Variants in ARAP1 observed in about 807,000 individuals in gnomAD.
The protein encoded by ARAP1 is ArfGAP with RhoGAP domain, ankyrin repeat and PH domain 1.
In ARAP1, 76 loss-of-function variants were observed where a neutral mutation model predicts 172.2. The observed-to-expected ratio is 0.44, with a 90% CI of 0.37 to 0.53. The LOEUF (loss-of-function observed/expected upper bound fraction) is 0.53. Ranked by LOEUF, ARAP1 falls within the 20% of genes least tolerant of loss-of-function variation. The probability of loss-of-function intolerance (pLI) is 0.00; values close to 1 mark genes in which losing one functional copy is unlikely to be tolerated. For missense variants in ARAP1, 1,686 were observed against 1,977.5 expected, an observed-to-expected ratio of 0.85 and a Z score of 2.80; for synonymous variants, 804 against 803.3, an observed-to-expected ratio of 1.00 and a Z score of -0.01.
At position 72,685,550 on chromosome 11, in the gene ARAP1, G is replaced by C; in HGVS notation, c.*114C>G. ...CAGGATGGAGGATGTGGGTTGTGGG[G>C]TGCAGTTTCCCATGCACCCCCCGCT... is the stretch of plus-strand genomic sequence containing the variant. On this transcript the variant is annotated 3_prime_UTR_variant, in exon 35 of 35. Coordinates refer to ENST00000393609, the MANE Select transcript of ARAP1 (RefSeq NM_001040118.3). 1 of 1,417,842 alleles carries C rather than the reference G, an allele frequency of 7.1e-7. No homozygotes were observed. The highest frequency in any genetic ancestry group is 9.9e-7 in the Non-Finnish European group (1 of 1,005,182). The allele number at this position is 1,417,842 out of a possible 1,614,324, so 87.8% of individuals were successfully genotyped here.
chr11:72,709,810 C>A, intron 11 of ARAP1, 60 bp downstream of exon 11: 1 of 1,580,366 alleles, frequency 6.3e-7, no homozygotes, highest in Non-Finnish European at 8.7e-7. Context: ...CCACGTCGCG[C>A]AAAAGGAAAA....
In ARAP1 at chr11:72,699,610, C is replaced by T; in HGVS notation, c.2303-58G>A. The T allele has an allele frequency of 6.4e-7, 1 of 1,567,416 alleles. No homozygotes were observed. Among genetic ancestry groups the T allele is most frequent in the African/African-American group, 1.4e-5 (1 of 73,750 alleles). The stretch of plus-strand genomic sequence containing the variant: ...GAGCCCCCCACCACCTGAAAACCAC[C>T]TCTGCATCCTCCCGGGGCTCCTGCT... On this transcript the variant is annotated intron_variant, in intron 16 of 34. Transcript: ENST00000393609. This position sits in a 1 kb window ranked among gnomAD's most constrained non-coding sequence, Gnocchi z 4.2.
At chr11:72,717,760 G>T (rs778049712) in intron 3 of ARAP1, among the ~76,000 whole-genome samples, 1 of 152,198 alleles carries the variant, frequency 6.6e-6, no homozygotes, top group African/African-American at 2.4e-5. Flanking sequence ...TACTCACAGC[G>T]CTCTGTAAGG....
At chr11:72,688,602 G>A (rs550121669) in intron 30 of ARAP1, 65 bp from the exon 31 acceptor site, 15 of 1,382,152 alleles carry the variant, frequency 1.1e-5, no homozygotes, top group Non-Finnish European at 1.2e-5. Flanking sequence ...CCGCTCTCCC[G>A]ACTGGGCAGC....
chr11:72,733,117 C>G (rs915557983), intron 1 of ARAP1, among the ~76,000 whole-genome samples: 1 of 152,192 alleles, frequency 6.6e-6, no homozygotes, highest in African/African-American at 2.4e-5. Context: ...AGAGGAAGGC[C>G]TTCCTGGAGG....
rs956996519 is a variant in ARAP1 at position 72,686,204 on chromosome 11, G to A, written c.4186-13C>T. 5 of 1,608,344 alleles carry A rather than the reference G, an allele frequency of 3.1e-6. No homozygotes were observed. The Admixed American group carries it at 6.7e-5, about 21-fold the overall frequency. On this transcript the variant is annotated splice_polypyrimidine_tract_variant and intron_variant, in intron 33 of 34. Transcript: ENST00000393609. ...CCAGGCCGTCATGCTGGGGAGCAGA[G>A]AGGAAGGGGCTGGGCTCAGCTTCAG...
At chr11:72,707,077 G>A in intron 12 of ARAP1, 98 bp downstream of exon 12, 1 of 1,290,378 alleles carries the variant, frequency 7.7e-7, no homozygotes, top group Non-Finnish European at 1.0e-6. Flanking sequence ...TCTGAGTGCT[G>A]TCTCCGCTCC....
At chr11:72,732,826 T>C (rs866272000) in intron 1 of ARAP1, among the ~76,000 whole-genome samples, 6 of 151,736 alleles carry the variant, frequency 4.0e-5, no homozygotes, top group South Asian at 2.1e-4. Context: ...ACAACAAAAA[T>C]ACAAAAATTA....
At chr11:72,705,555 TTTC>T in intron 13 of ARAP1, 1 of 490,994 alleles carries the variant, frequency 2.0e-6, no homozygotes. Flanking sequence ...TCTGCTGCAT[TTTC>T]TTCCTTTTTT....
chr11:72,714,030 A>T, intron 4 of ARAP1, 122 bp downstream of exon 4: 1 of 1,141,442 alleles, frequency 8.8e-7, no homozygotes, highest in Non-Finnish European at 1.2e-6. Flanking sequence ...CCGGGGCCAC[A>T]CAGTGGGCTG....
rs1007801442 is a variant in ARAP1 at position 72,741,332 on chromosome 11, C to T, written c.-127-8735G>A. ...CTGACCCCAACCCTCCACAGCCTCA[C>T]CCCAGGACCCTCCCCACTCTCCCAG... is the stretch of plus-strand genomic sequence containing the variant. On this transcript the variant is annotated intron_variant, in intron 1 of 34. Transcript: ENST00000393609. This position sits in a 1 kb window ranked among gnomAD's most constrained non-coding sequence, Gnocchi z 4.5. Among the ~76,000 whole-genome samples the T allele has an allele frequency of 6.6e-5, 10 of 152,156 alleles. No individual in the cohort carries two copies. The highest frequency in any genetic ancestry group is 1.2e-4 in the Non-Finnish European group (8 of 68,018).
intron 30 of ARAP1, chr11:72,689,477 C>G (rs548056686): frequency 1.3e-5 from 2 of 152,448 alleles, no homozygotes; most frequent in African/African-American, 4.8e-5. Context: ...GACTGAGCCA[C>G]CTCCCCCCTG....
In ARAP1 at chr11:72,696,983, C is replaced by A; in HGVS notation, c.3166G>T (p.Glu1056Ter). The change falls in exon 22 of 35, where the codon GAG (glutamate) becomes TAG (stop). Residue 1056 changes from glutamate (E) to a stop codon, truncating the protein, a stop_gained and splice_region_variant. Transcript: ENST00000393609. LOFTEE classifies it high-confidence loss of function. ...GCTGGGCACGGGCTGCAGGGCCCAC[C>A]TGAGGCCTCCAGCCAGGTTAGGCGC... ...AQRLTWLEAS[E>*]IEDEEEKVSR... is the part of the protein sequence containing the mutation. The A allele has an allele frequency of 6.2e-7, 1 of 1,603,578 alleles. No homozygotes were observed. The highest frequency in any genetic ancestry group is 1.1e-5 in the South Asian group (1 of 90,914).
chr11:72,696,687 C>T, intron 22 of ARAP1, 33 bp from the exon 23 acceptor site: 1 of 1,533,604 alleles, frequency 6.5e-7, no homozygotes, highest in Non-Finnish European at 8.9e-7. Flanking sequence ...GTCAGAAACC[C>T]CCTGTAACTA....
chr11:72,707,313 C>A lies in ARAP1; in HGVS notation c.1585G>T (p.Ala529Ser). 6.2e-7 allele frequency: 1 copy of A among 1,613,722 alleles called. No homozygotes were observed. Among genetic ancestry groups the A allele is most frequent in the Non-Finnish European group, 8.5e-7 (1 of 1,179,934 alleles). The change falls in exon 12 of 35, where the codon GCT (alanine) becomes TCT (serine). Residue 529 changes from alanine to serine, a missense_variant. Ala to Ser is a moderately conservative substitution (Grantham distance 99). Transcript: ENST00000393609. ...ACCTCCGAGGTAGACAGGGCCTCAG[C>A]GATGGCTCCCTGCATGGCCTCCAAC... Reference protein sequence around the residue: ...QWLEAMQGAIAEALSTSEVAE... With the variant: ...QWLEAMQGAISEALSTSEVAE...
chr11:72,726,591 G>T lies in ARAP1; in HGVS notation c.509+29C>A. On this transcript the variant is annotated intron_variant, in intron 3 of 34. Coordinates refer to ENST00000393609, the MANE Select transcript of ARAP1 (RefSeq NM_001040118.3). The surrounding 1 kb of genome is among the most constrained non-coding windows in gnomAD (Gnocchi z 6.5). ...ACCCTCTGGGATCCTCTGCCTGTGCGCCTCCCACCCTGGGTGGCATCCACT... is the reference window on the plus strand; with the variant it reads ...ACCCTCTGGGATCCTCTGCCTGTGCTCCTCCCACCCTGGGTGGCATCCACT... 6.8e-7 allele frequency: 1 copy of T among 1,468,888 alleles called. No homozygotes were observed. The highest frequency in any genetic ancestry group is 1.4e-5 in the South Asian group (1 of 73,144). 91.0% of individuals were successfully genotyped at this position (1,468,888 alleles called of 1,614,324 possible). A position where few individuals can be genotyped will look rare whatever the true frequency, so the allele number is the denominator to read the frequency against.
At position 72,712,584 on chromosome 11, in the gene ARAP1, A is replaced by G. The variant is rs1857072332; in HGVS notation, c.748-16T>C. On this transcript the variant is annotated splice_polypyrimidine_tract_variant and intron_variant, in intron 5 of 34. Coordinates refer to ENST00000393609, the MANE Select transcript of ARAP1 (RefSeq NM_001040118.3). ...GGGGCTCCTCCTGCCCCCGAGACCC[A>G]CTCAGCGTCATCCTTCCCTTCAAGC... 6.2e-7 allele frequency: 1 copy of G among 1,609,576 alleles called. No homozygotes were observed. The highest frequency in any genetic ancestry group is 8.5e-7 in the Non-Finnish European group (1 of 1,179,684).
Position 72,714,192 on chromosome 11 carries a change from C to A in ARAP1, c.639G>T (p.Pro213=). The change falls in exon 4 of 35, where the codon CCG becomes CCT. Residue 213 remains proline (P), a synonymous_variant. Transcript: ENST00000393609. ...GGCGTACCGGCTTTGGAGGTATCTC[C>A]GGGGGGCAGGGAGGTGGAGAGGGAG... ...PQPPSPPPCP[P]EIPPKPVRLF... 6.7e-7 allele frequency: 1 copy of A among 1,498,260 alleles called. No homozygotes were observed. The highest frequency in any genetic ancestry group is 2.5e-5 in the Admixed American group (1 of 39,420). 92.8% of individuals were successfully genotyped at this position (1,498,260 alleles called of 1,614,324 possible).
At chr11:72,701,584 C>T in intron 16 of ARAP1, 65 bp downstream of exon 16, 1 of 1,557,222 alleles carries the variant, frequency 6.4e-7, no homozygotes. Context: ...CCAGCCCTGG[C>T]TTCCCTAGCC....
Sources: allele counts gnomAD v4.1 joint callset (sites outside exome capture counted in the v4.1 genomes callset), GRCh38; gene constraint gnomAD v4.1.1; non-coding constraint Gnocchi (gnomAD v3.1); transcripts MANE v1.5; gene names NCBI Gene and HGNC (gene_info 2026-07-23, HGNC 2026-07-21).